The following DOCK3 variants were observed in gnomAD, a reference collection of about 807,000 sequenced individuals.
DOCK3 encodes dedicator of cytokinesis 3, also known as dedicator of cytokinesis protein 3.
In DOCK3, 60 loss-of-function variants were observed where a neutral mutation model predicts 265.6. The ratio of observed to expected loss-of-function variants is 0.23; its 90% CI spans 0.18 to 0.28. DOCK3 has a LOEUF of 0.28. Ranked by LOEUF, DOCK3 falls within the 10% of genes least tolerant of loss-of-function variation. The probability of loss-of-function intolerance (pLI) is 1.00; values close to 1 mark genes in which losing one functional copy is unlikely to be tolerated. For synonymous variants in DOCK3, 881 were observed against 938.0 expected (o/e 0.94, Z 1.11); for missense variants, 1,981 against 2,594.3 (o/e 0.76, Z 5.14).
chr3:50,795,029 CT>C (rs764895610), intron 2 of DOCK3, among the ~76,000 whole-genome samples: 6 of 149,016 alleles, frequency 4.0e-5, no homozygotes, highest in Middle Eastern at 3.5e-3. Context: ...TTGAATCTCT[CT>C]TTTTTTTTTA....
chr3:50,759,672 A>T (rs1381923243), intron 1 of DOCK3, among the ~76,000 whole-genome samples: 1 of 10,988 alleles, frequency 9.1e-5, no homozygotes, highest in African/African-American at 1.8e-4. Flanking sequence ...CCCCGTCTCT[A>T]AAAAAAAAAA....
chr3:51,247,263 G>C (rs1210713561), intron 22 of DOCK3, among the ~76,000 whole-genome samples: 4 of 152,186 alleles, frequency 2.6e-5, no homozygotes. Flanking sequence ...TCAGAAGAAG[G>C]GAATCTTAAA....
intron 12 of DOCK3, among the ~76,000 whole-genome samples, chr3:51,182,327 T>C (rs1218972925): frequency 1.3e-5 from 2 of 152,198 alleles, no homozygotes; most frequent in East Asian, 3.8e-4. Flanking sequence ...GCCCTTGGTA[T>C]GGTACCTGGC....
At chr3:50,775,212 T>C (rs192277299) in intron 1 of DOCK3, among the ~76,000 whole-genome samples, 1 of 152,214 alleles carries the variant, frequency 6.6e-6, no homozygotes, top group East Asian at 1.9e-4. Flanking sequence ...TTTTTTCAGA[T>C]GTTTCGACAG....
chr3:50,933,157 C>T (rs921081022), intron 4 of DOCK3, among the ~76,000 whole-genome samples: 5 of 152,196 alleles, frequency 3.3e-5, no homozygotes, highest in Non-Finnish European at 7.3e-5. Context: ...GTCTCTGCCA[C>T]AACACATGGG....
intron 2 of DOCK3, chr3:50,788,214 T>A: frequency 1.3e-6 from 1 of 762,750 alleles, no homozygotes; most frequent in South Asian, 2.5e-5. Context: ...GGCTATCATC[T>A]TGTGCCATTC....
intron 9 of DOCK3, among the ~76,000 whole-genome samples, chr3:51,141,628 A>G (rs150542078): frequency 6.6e-6 from 1 of 152,296 alleles, no homozygotes; most frequent in Non-Finnish European, 1.5e-5. Context: ...ATCAGTTGAC[A>G]GCATGAAAAG....
At chr3:51,050,209 C>A (rs1049456204) in intron 5 of DOCK3, among the ~76,000 whole-genome samples, 1 of 152,030 alleles carries the variant, frequency 6.6e-6, no homozygotes, top group African/African-American at 2.4e-5. Flanking sequence ...CACAGCTAGA[C>A]CCTGTCTCTA....
chr3:50,902,172 G>C (rs941592594), intron 4 of DOCK3, among the ~76,000 whole-genome samples: 1 of 152,126 alleles, frequency 6.6e-6, no homozygotes, highest in African/African-American at 2.4e-5. Flanking sequence ...TTGCTGTGCT[G>C]AAGCTCTTTA....
chr3:51,128,724 C>T (rs2084378706), intron 9 of DOCK3, among the ~76,000 whole-genome samples: 1 of 152,156 alleles, frequency 6.6e-6, no homozygotes, highest in South Asian at 2.1e-4. Context: ...GGTGCCATAT[C>T]GAGGGCTCAG....
intron 1 of DOCK3, among the ~76,000 whole-genome samples, chr3:50,693,209 G>A (rs1330147572): frequency 1.3e-5 from 2 of 152,054 alleles, no homozygotes; most frequent in Admixed American, 1.3e-4. Context: ...GCTATTAGAG[G>A]GCCCTTGAGA....
At chr3:51,192,557 C>T (rs181297379) in intron 12 of DOCK3, among the ~76,000 whole-genome samples, 41 of 152,072 alleles carry the variant, frequency 2.7e-4, no homozygotes, top group Admixed American at 2.6e-3. Context: ...ACTTTGTGAG[C>T]ATTCCCAGTC....
chr3:50,924,488 C>T (rs1157667163), intron 4 of DOCK3, among the ~76,000 whole-genome samples: 4 of 152,148 alleles, frequency 2.6e-5, no homozygotes, highest in Non-Finnish European at 1.5e-5. Context: ...TGCTCATATT[C>T]CAGTTTTATA....
chr3:50,941,784 T>TA (rs1027363858), intron 5 of DOCK3, among the ~76,000 whole-genome samples: 1 of 152,002 alleles, frequency 6.6e-6, no homozygotes, highest in South Asian at 2.1e-4. Flanking sequence ...TGATGCTACT[T>TA]AAAAAAATGT....
chr3:50,771,579 T>C (rs1441782920), intron 1 of DOCK3, among the ~76,000 whole-genome samples: 1 of 151,990 alleles, frequency 6.6e-6, no homozygotes, highest in Non-Finnish European at 1.5e-5. Context: ...TGGCCGGGTG[T>C]GGTGGCTCAC....
intron 9 of DOCK3, among the ~76,000 whole-genome samples, chr3:51,116,471 A>G (rs1053394179): frequency 6.6e-6 from 1 of 151,124 alleles, no homozygotes; most frequent in African/African-American, 2.4e-5. Flanking sequence ...AAAAAAAAAA[A>G]AGGGTAGTTT....
intron 1 of DOCK3, among the ~76,000 whole-genome samples, chr3:50,738,007 A>T (rs2038754804): frequency 6.6e-6 from 1 of 152,154 alleles, no homozygotes; most frequent in African/African-American, 2.4e-5. Context: ...TTGAAAAAAT[A>T]GGCACCTCTT....
chr3:51,038,993 T>TTTA (rs1031308110), intron 5 of DOCK3, among the ~76,000 whole-genome samples: 5 of 151,754 alleles, frequency 3.3e-5, no homozygotes, highest in Admixed American at 2.6e-4. Flanking sequence ...ATTATTTAAT[T>TTTA]TTATTATTAT....
chr3:50,792,637 A>G (rs1208107826), intron 2 of DOCK3, among the ~76,000 whole-genome samples: 2 of 152,188 alleles, frequency 1.3e-5, no homozygotes, highest in Non-Finnish European at 2.9e-5. Context: ...GAGAGTTTTT[A>G]ACATAAATGG....
Sources: gnomAD v4.1 joint callset for allele counts (sites outside exome capture counted in the v4.1 genomes callset) on GRCh38, gnomAD v4.1.1 for gene constraint, MANE v1.5 for transcripts, NCBI Gene and HGNC (gene_info 2026-07-23, HGNC 2026-07-21) for gene names.